The following CRTAC1 variants were observed in gnomAD, a reference collection of about 807,000 sequenced individuals.
The protein encoded by CRTAC1 is acidic secreted protein in cartilage.
CRTAC1 carries 37 observed loss-of-function variants against 67.8 expected under a neutral mutation model. That is an observed-to-expected ratio of 0.55 (90% CI 0.42 to 0.72). The LOEUF (loss-of-function observed/expected upper bound fraction) is 0.72, where lower values mean the gene tolerates loss of function less well. CRTAC1 is among the 30% of genes least tolerant of loss of function. The pLI is 0.00. For synonymous variants in CRTAC1, 348 were observed against 371.0 expected, an observed-to-expected ratio of 0.94 and a Z score of 0.71; for missense variants, 780 against 931.6, an observed-to-expected ratio of 0.84 and a Z score of 2.12.
chr10:97,866,191 C>T (rs114750996), intron 14 of CRTAC1: 1,768 of 156,972 alleles, frequency 0.011, 35 homozygotes, highest in African/African-American at 0.038. Flanking sequence ...CTGCAGGGCC[C>T]CGGCCTGTCT....
At chr10:97,872,440 G>C (rs1452072188) in intron 14 of CRTAC1, among the ~76,000 whole-genome samples, 1 of 152,158 alleles carries the variant, frequency 6.6e-6, no homozygotes, top group African/African-American at 2.4e-5. Flanking sequence ...CTCTGCTCAT[G>C]ACCTCTACCT....
intron 2 of CRTAC1, among the ~76,000 whole-genome samples, chr10:97,939,651 C>T (rs1479973645): frequency 6.6e-6 from 1 of 152,138 alleles, no homozygotes; most frequent in Non-Finnish European, 1.5e-5. Context: ...CCAGGAGAAC[C>T]AGTCTTCTTC....
intron 12 of CRTAC1, among the ~76,000 whole-genome samples, chr10:97,883,977 A>G (rs2050247507): frequency 6.6e-6 from 1 of 152,226 alleles, no homozygotes; most frequent in African/African-American, 2.4e-5. Context: ...GGGTGCAAAA[A>G]TGCTTGCCCT....
intron 8 of CRTAC1, 80 bp from the exon 9 acceptor site, chr10:97,897,071 C>G (rs2050471732): frequency 2.0e-6 from 2 of 1,015,670 alleles, no homozygotes. Context: ...CCATTCTGTC[C>G]CCTGAGCATC....
rs150389977 is a variant in CRTAC1, at chr10:97,938,196, T to C, written c.225-1830A>G. 3.7e-3 allele frequency among the ~76,000 whole-genome samples: 563 copies of C among 152,200 alleles called. 1 individual carries two copies. Among genetic ancestry groups the C allele is most frequent in the Middle Eastern group, 6.8e-3 (2 of 294 alleles). On this transcript the variant is annotated intron_variant, in intron 2 of 14. Transcript: ENST00000370597. ...GTCTGAGGGCTGCATGTCCAGGGCG[T>C]GGCATGACCTATGGAGACGTGTCTA...
At position 97,880,427 on chromosome 10, in the gene CRTAC1, G is replaced by A. The variant is rs377335657; in HGVS notation, c.1676-35C>T. The A allele has an allele frequency of 1.9e-5, 30 of 1,603,224 alleles. No individual in the cohort carries two copies. In the African/African-American group the frequency reaches 3.7e-4, roughly 20 times the overall value. ...GAGGGGAACCACTCACCATGAAGGT[G>A]TGGGGCAGCAAGTACCAGCCCAGGC... On this transcript the variant is annotated intron_variant, in intron 13 of 14. Coordinates refer to ENST00000370597, the MANE Select transcript of CRTAC1 (RefSeq NM_018058.7).
intron 2 of CRTAC1, among the ~76,000 whole-genome samples, chr10:97,951,191 C>T (rs958071312): frequency 1.3e-5 from 2 of 152,206 alleles, no homozygotes; most frequent in African/African-American, 4.8e-5. Flanking sequence ...GGATCTACCT[C>T]CTACTGTGGA....
rs924931742 is a variant in CRTAC1 at position 97,881,782 on chromosome 10, C to T, written c.1675+1004G>A. Among the ~76,000 whole-genome samples the T allele has an allele frequency of 7.9e-5, 12 of 152,104 alleles. 1 individual carries two copies. Among genetic ancestry groups the T allele is most frequent in the Admixed American group, 7.9e-4 (12 of 15,276 alleles). Reference sequence around the variant, plus strand: ...TTGGCACCACTGCTCCTCCACCTCCCCACCTGTGCTCCTTTGTTCAGACAG... The same window carrying T: ...TTGGCACCACTGCTCCTCCACCTCCTCACCTGTGCTCCTTTGTTCAGACAG... On this transcript the variant is annotated intron_variant, in intron 13 of 14. Coordinates refer to ENST00000370597, the MANE Select transcript of CRTAC1 (RefSeq NM_018058.7).
chr10:97,982,360 G>T (rs1390428256), intron 2 of CRTAC1, among the ~76,000 whole-genome samples: 3 of 152,176 alleles, frequency 2.0e-5, no homozygotes, highest in Non-Finnish European at 4.4e-5. Context: ...TTCTTTTTCT[G>T]CGGAAAGTTA....
chr10:97,901,797 G>A (rs2050545843), intron 7 of CRTAC1, among the ~76,000 whole-genome samples, 158 bp from the exon 8 acceptor site: 1 of 152,148 alleles, frequency 6.6e-6, no homozygotes, highest in African/African-American at 2.4e-5. Context: ...CTGCCTTTAG[G>A]ACCACACAGA....
intron 2 of CRTAC1, among the ~76,000 whole-genome samples, chr10:97,991,870 C>T (rs1211752590): frequency 1.3e-5 from 2 of 152,168 alleles, no homozygotes; most frequent in Non-Finnish European, 2.9e-5. Context: ...CCCTTGGAAA[C>T]TTTGAGATAT....
chr10:97,904,106 G>GA (rs147011780), intron 7 of CRTAC1, among the ~76,000 whole-genome samples: 3,269 of 151,366 alleles, frequency 0.022, 53 homozygotes, highest in Middle Eastern at 0.058. Context: ...GGAGCCACCA[G>GA]AAAAAATGGC....
In CRTAC1 at chr10:97,966,311, T is replaced by C. The variant is rs181548512; in HGVS notation, c.225-29945A>G. Among the ~76,000 whole-genome samples, 837 of 152,354 alleles carry C rather than the reference T, an allele frequency of 5.5e-3. 5 individuals are homozygous for C. Among genetic ancestry groups the C allele is most frequent in the Non-Finnish European group, 8.1e-3 (548 of 68,034 alleles). On this transcript the variant is annotated intron_variant, in intron 2 of 14. Transcript: ENST00000370597. ...TTTTAGTACAGACCGGGTTTTGCCATGTTGGCCAGGCTGGTCTTGAACACC... is the reference window on the plus strand; with the variant it reads ...TTTTAGTACAGACCGGGTTTTGCCACGTTGGCCAGGCTGGTCTTGAACACC...
Position 97,994,533 on chromosome 10 carries a change from C to T in CRTAC1, c.224+16605G>A, listed in dbSNP as rs192022390. Among the ~76,000 whole-genome samples the T allele has an allele frequency of 3.1e-4, 47 of 152,288 alleles. No homozygotes were observed. In the East Asian group the frequency reaches 3.3e-3, roughly 11 times the overall value. On this transcript the variant is annotated intron_variant, in intron 2 of 14. Transcript: ENST00000370597. ...AGAACTGAAGGAGAGCTTCAGGGGA[C>T]GCATAGATCTGTGGACCTCAGGGAC...
Position 97,973,942 on chromosome 10 carries a change from C to A in CRTAC1, c.224+37196G>T, listed in dbSNP as rs569301339. On this transcript the variant is annotated intron_variant, in intron 2 of 14. Transcript: ENST00000370597. ...GCACACAGCCTGGGGAGACAGCCAT[C>A]GCATTCTTTGTCTCATAAAAGATCC... Among the ~76,000 whole-genome samples, 4 of 143,292 alleles carry A rather than the reference C, an allele frequency of 2.8e-5. No homozygotes were observed. In the South Asian group the frequency reaches 8.8e-4, roughly 32 times the overall value. 94.0% of individuals were successfully genotyped at this position (143,292 alleles called of 152,430 possible). A position where few individuals can be genotyped will look rare whatever the true frequency, so the allele number is the denominator to read the frequency against.
At chr10:97,951,164 G>T (rs965827110) in intron 2 of CRTAC1, among the ~76,000 whole-genome samples, 1 of 152,188 alleles carries the variant, frequency 6.6e-6, no homozygotes, top group Non-Finnish European at 1.5e-5. Flanking sequence ...CCTTGTGCAT[G>T]TACTGTTCTG....
intron 1 of CRTAC1, among the ~76,000 whole-genome samples, chr10:98,027,060 G>A (rs905681515): frequency 1.3e-5 from 2 of 151,962 alleles, no homozygotes; most frequent in Non-Finnish European, 2.9e-5. Flanking sequence ...CCAGCTACTC[G>A]GGAGGCTGAG....
intron 2 of CRTAC1, among the ~76,000 whole-genome samples, chr10:97,964,785 C>T (rs976873562): frequency 6.6e-6 from 1 of 152,208 alleles, no homozygotes; most frequent in Non-Finnish European, 1.5e-5. Flanking sequence ...CATCATTTAC[C>T]TTGATGTTCC....
In CRTAC1 at chr10:97,895,294, C is replaced by T. The variant is rs759246502; in HGVS notation, c.1437G>A (p.Gly479=). The change falls in exon 11 of 15, where the codon GGG becomes GGA. Residue 479 remains glycine, a synonymous_variant. Transcript: ENST00000370597. This position sits in a 1 kb window ranked among gnomAD's most constrained non-coding sequence, Gnocchi z 4.2. ...CCATCTCACACAGGTAGCCTGAGCC[C>T]CCGTCGATGATCCTCAGGTGGGCCC... ...KSGAHLRIID[G]GSGYLCEMEP... 4 of 1,613,536 alleles carry T rather than the reference C, an allele frequency of 2.5e-6. No individual in the cohort carries two copies. The East Asian group carries it at 8.9e-5, about 36-fold the overall frequency.
Sources: gnomAD v4.1 joint callset for allele counts (sites outside exome capture counted in the v4.1 genomes callset) on GRCh38, gnomAD v4.1.1 for gene constraint, Gnocchi (gnomAD v3.1) non-coding constraint, MANE v1.5 for transcripts, NCBI Gene and HGNC (gene_info 2026-07-23, HGNC 2026-07-21) for gene names.